KIAA1671: variants seen among roughly 807,000 people sequenced by gnomAD.
KIAA1671 encodes KIAA1671.
In KIAA1671, 52 loss-of-function variants were observed where a neutral mutation model predicts 131.2. That is an observed-to-expected ratio of 0.40 (90% CI 0.32 to 0.50). KIAA1671 has a LOEUF of 0.50. Ranked by LOEUF, KIAA1671 falls within the 20% of genes least tolerant of loss-of-function variation. The pLI is 0.73. For synonymous variants in KIAA1671, 1,003 were observed against 961.6 expected (o/e 1.04, Z -0.80); for missense variants, 2,360 against 2,364.2 (o/e 1.00, Z 0.04).
At position 25,040,728 on chromosome 22, in the gene KIAA1671, G is replaced by A; in HGVS notation, c.3598G>A (p.Asp1200Asn). ...AGATGGCTACAGATCCAGCGTTCTT[G>A]ACATTGACGCCCTGATGGCAGAGTA... The part of the protein sequence containing the change: ...IRDGYRSSVL[D>N]IDALMAEYQE... Residue 1200 changes from aspartate (D) to asparagine (N), a missense_variant, in exon 5 of 13, where the codon GAC (aspartate) becomes AAC (asparagine). This residue lies in a region of KIAA1671 where 1,161 missense variants were observed against 1,204.7 expected (regional missense o/e 0.96). Coordinates refer to ENST00000358431, the MANE Select transcript of KIAA1671 (RefSeq NM_001145206.2). 8 of 1,551,986 alleles carry A rather than the reference G, an allele frequency of 5.2e-6. No homozygotes were observed. The highest frequency in any genetic ancestry group is 4.4e-6 in the Non-Finnish European group (5 of 1,147,086).
intron 6 of KIAA1671, among the ~76,000 whole-genome samples, chr22:25,151,238 G>A (rs1402909871): frequency 6.6e-6 from 1 of 151,088 alleles, no homozygotes; most frequent in Non-Finnish European, 1.5e-5. Context: ...CCCATCCCCT[G>A]GAAATGATCC....
chr22:24,989,188 C>T (rs1923707304), intron 1 of KIAA1671, among the ~76,000 whole-genome samples: 1 of 152,278 alleles, frequency 6.6e-6, no homozygotes, highest in Non-Finnish European at 1.5e-5. Flanking sequence ...CCACATTGTC[C>T]CTTCTCTTGG....
At chr22:24,977,379 C>A (rs1922969272) in intron 1 of KIAA1671, among the ~76,000 whole-genome samples, 1 of 152,208 alleles carries the variant, frequency 6.6e-6, no homozygotes, top group South Asian at 2.1e-4. Context: ...GTCTGCTCCC[C>A]CAGAGCCTTG....
intron 1 of KIAA1671, among the ~76,000 whole-genome samples, chr22:24,997,718 C>T (rs1034400510): frequency 6.6e-6 from 1 of 152,054 alleles, no homozygotes; most frequent in Non-Finnish European, 1.5e-5. Context: ...TGGGGTTTGC[C>T]TCCTTAAGCA....
At chr22:25,049,951 T>A (rs1602098646) in intron 6 of KIAA1671, 1 of 152,440 alleles carries the variant, frequency 6.6e-6, no homozygotes, top group South Asian at 2.1e-4. Flanking sequence ...CTGGCTTCAG[T>A]TTCCTCATCT....
chr22:25,091,887 G>GT (rs1783255978), intron 6 of KIAA1671, among the ~76,000 whole-genome samples: 1 of 152,162 alleles, frequency 6.6e-6, no homozygotes, highest in Non-Finnish European at 1.5e-5. Context: ...CGTCTTGTGG[G>GT]TGTTGGGGTT....
At chr22:25,027,443 T>C (rs959970695) in intron 2 of KIAA1671, among the ~76,000 whole-genome samples, 5 of 152,216 alleles carry the variant, frequency 3.3e-5, no homozygotes, top group Non-Finnish European at 7.3e-5. Context: ...GGGCAGGCTC[T>C]GCAGTGGGAA....
intron 6 of KIAA1671, among the ~76,000 whole-genome samples, chr22:25,105,036 T>C (rs1221607147): frequency 6.6e-6 from 1 of 152,134 alleles, no homozygotes; most frequent in East Asian, 1.9e-4. Context: ...CTTTTCTTTT[T>C]TTTTTGAGAC....
rs1442907181 is a variant in KIAA1671 at position 25,029,400 on chromosome 22, G to A, written c.1401G>A (p.Ser467=). 9.0e-6 allele frequency: 14 copies of A among 1,551,292 alleles called. No homozygotes were observed. The highest frequency in any genetic ancestry group is 3.6e-5 in the South Asian group (3 of 84,062). The stretch of plus-strand genomic sequence containing the variant: ...CCCTGGCCACCCCTGCGTCCCCATC[G>A]GCGGCACCAGAGCCGGAGAAAGGGG... The part of the protein sequence containing the change: ...ESPLATPASP[S]AAPEPEKGVV... The change falls in exon 3 of 13, where the codon TCG becomes TCA. Residue 467 remains serine, a synonymous_variant. Transcript: ENST00000358431.
chr22:25,158,588 A>G (rs1394652212), intron 6 of KIAA1671, among the ~76,000 whole-genome samples: 1 of 152,148 alleles, frequency 6.6e-6, no homozygotes, highest in Non-Finnish European at 1.5e-5. Flanking sequence ...ACCCCGGGCC[A>G]TACTGCCAGC....
chr22:24,990,888 G>A (rs34070060), intron 1 of KIAA1671, among the ~76,000 whole-genome samples: 43,817 of 150,728 alleles, frequency 0.29, 6,622 homozygotes, highest in Middle Eastern at 0.35. Context: ...ACCGAGGCTC[G>A]GGTGCCACAG....
intron 1 of KIAA1671, among the ~76,000 whole-genome samples, chr22:24,978,283 A>G (rs966922082): frequency 6.6e-6 from 1 of 152,116 alleles, no homozygotes; most frequent in African/African-American, 2.4e-5. Flanking sequence ...TGGTTTTATC[A>G]GGTGTTTCTG....
At chr22:25,165,807 C>T (rs1346438960) in intron 6 of KIAA1671, among the ~76,000 whole-genome samples, 1 of 151,956 alleles carries the variant, frequency 6.6e-6, no homozygotes, top group East Asian at 1.9e-4. Flanking sequence ...GGTGGCTGCT[C>T]CACCAGGCCT....
chr22:25,175,359 C>T (rs1049839809), intron 8 of KIAA1671: 2 of 152,226 alleles, frequency 1.3e-5, no homozygotes, highest in Admixed American at 6.5e-5. Context: ...ACCCACATTT[C>T]CCCAGAGGAG....
intron 6 of KIAA1671, among the ~76,000 whole-genome samples, chr22:25,138,165 C>T (rs552253655): frequency 2.0e-5 from 3 of 152,246 alleles, no homozygotes; most frequent in South Asian, 2.1e-4. Context: ...TCTAAATGCC[C>T]GCTGTCATTG....
chr22:25,078,246 CAG>C (rs1929217120), intron 6 of KIAA1671, among the ~76,000 whole-genome samples: 1 of 152,090 alleles, frequency 6.6e-6, no homozygotes, highest in African/African-American at 2.4e-5. Context: ...GTGGGCTGGC[CAG>C]GTGCAGTGGT....
chr22:25,179,857 C>T (rs1934204114), intron 9 of KIAA1671, among the ~76,000 whole-genome samples: 1 of 152,178 alleles, frequency 6.6e-6, no homozygotes, highest in African/African-American at 2.4e-5. Context: ...TATTATCAAT[C>T]TTTTCTGTTT....
chr22:25,165,838 T>G, intron 6 of KIAA1671, among the ~76,000 whole-genome samples: 1 of 146,870 alleles, frequency 6.8e-6, no homozygotes, highest in African/African-American at 2.5e-5. Flanking sequence ...GGGAGGAATG[T>G]GAGGGGAGGG....
intron 6 of KIAA1671, among the ~76,000 whole-genome samples, chr22:25,131,380 G>A (rs1288630155): frequency 2.6e-5 from 4 of 152,226 alleles, no homozygotes; most frequent in Non-Finnish European, 4.4e-5. Context: ...CAGCTCACAG[G>A]TAGTGCCCAC....
Sources: gnomAD v4.1 joint callset for allele counts (sites outside exome capture counted in the v4.1 genomes callset) on GRCh38, gnomAD v4.1.1 for gene constraint, gnomAD v4.1.1 regional missense constraint, MANE v1.5 for transcripts, NCBI Gene and HGNC (gene_info 2026-07-23, HGNC 2026-07-21) for gene names.